The following NALF1 variants were observed in gnomAD, a reference collection of about 807,000 sequenced individuals.
The protein encoded by NALF1 is family with sequence similarity 155 member A.
A neutral mutation model predicts 48.4 loss-of-function variants in NALF1; 3 were observed. The observed-to-expected ratio is 0.06, with a 90% CI of 0.03 to 0.16. The LOEUF (loss-of-function observed/expected upper bound fraction) is 0.16, where lower values mean the gene tolerates loss of function less well. NALF1 is among the 10% of genes least tolerant of loss of function. The pLI is 1.00. For synonymous variants in NALF1, 262 were observed against 245.7 expected (o/e 1.07, Z -0.62); for missense variants, 526 against 571.5 (o/e 0.92, Z 0.81).
chr13:107,646,085 C>T (rs1594181337), intron 1 of NALF1, among the ~76,000 whole-genome samples: 1 of 152,180 alleles, frequency 6.6e-6, no homozygotes, highest in Non-Finnish European at 1.5e-5. Context: ...GGTAACAGCC[C>T]TTCTAGCACT....
chr13:107,420,333 G>A (rs953243362), intron 1 of NALF1, among the ~76,000 whole-genome samples: 5 of 152,090 alleles, frequency 3.3e-5, no homozygotes. Flanking sequence ...CATTGCTAAC[G>A]TGATATTATA....
intron 1 of NALF1, among the ~76,000 whole-genome samples, chr13:107,444,195 T>C (rs1367511568): frequency 6.6e-6 from 1 of 152,216 alleles, no homozygotes; most frequent in African/African-American, 2.4e-5. Context: ...TTACTTTAAC[T>C]GGGCACTTTT....
At position 107,184,209 on chromosome 13, in the gene NALF1, C is replaced by T. The variant is rs76661713; in HGVS notation, c.1088-13423G>A. On this transcript the variant is annotated intron_variant, in intron 2 of 2. Transcript: ENST00000375915. ...AAAAAAAAAAGAGAAATCTGACATC[C>T]GTGTTTTTCTTCTCAGACAAATATA... Among the ~76,000 whole-genome samples, 103 of 152,012 alleles carry T rather than the reference C, an allele frequency of 6.8e-4. 2 individuals carry two copies. The highest frequency in any genetic ancestry group is 2.4e-3 in the African/African-American group (99 of 41,508).
At chr13:107,704,004 C>A (rs1434098205) in intron 1 of NALF1, among the ~76,000 whole-genome samples, 1 of 152,112 alleles carries the variant, frequency 6.6e-6, no homozygotes, top group African/African-American at 2.4e-5. Context: ...TATAGAATGC[C>A]AGGAAACATG....
intron 1 of NALF1, among the ~76,000 whole-genome samples, chr13:107,617,059 T>C (rs1258625760): frequency 6.6e-6 from 1 of 152,230 alleles, no homozygotes; most frequent in Non-Finnish European, 1.5e-5. Flanking sequence ...TAGATGCACA[T>C]TTAAGCTAAC....
At chr13:107,320,062 T>G (rs1882224549) in intron 1 of NALF1, among the ~76,000 whole-genome samples, 1 of 152,124 alleles carries the variant, frequency 6.6e-6, no homozygotes, top group African/African-American at 2.4e-5. Flanking sequence ...AAAACCATGG[T>G]ATATTGAGAT....
chr13:107,670,143 G>T (rs1880955789), intron 1 of NALF1, among the ~76,000 whole-genome samples: 1 of 152,106 alleles, frequency 6.6e-6, no homozygotes, highest in Non-Finnish European at 1.5e-5. Context: ...TGTCTCCAGA[G>T]AATTTGCTGG....
intron 1 of NALF1, among the ~76,000 whole-genome samples, chr13:107,400,360 A>G (rs143730384): frequency 1.2e-3 from 182 of 152,260 alleles, no homozygotes; most frequent in Middle Eastern, 3.4e-3. Context: ...ATAAATATCA[A>G]CAAGGAGGAG....
intron 1 of NALF1, among the ~76,000 whole-genome samples, chr13:107,496,410 T>A (rs1313225745): frequency 6.6e-6 from 1 of 152,110 alleles, no homozygotes; most frequent in Non-Finnish European, 1.5e-5. Context: ...GTAAACGAAA[T>A]CATCAGGATC....
chr13:107,222,261 T>C (rs932348564), intron 1 of NALF1, among the ~76,000 whole-genome samples: 2 of 152,210 alleles, frequency 1.3e-5, no homozygotes, highest in African/African-American at 4.8e-5. Flanking sequence ...TGGCTTACTA[T>C]TCCCCATAGA....
Position 107,362,102 on chromosome 13 carries a change from C to G in NALF1, c.916-151347G>C, listed in dbSNP as rs549441796. Among the ~76,000 whole-genome samples, 1 of 152,228 alleles carries G rather than the reference C, an allele frequency of 6.6e-6. No individual in the cohort carries two copies. The highest frequency in any genetic ancestry group is 2.1e-4 in the South Asian group (1 of 4,826). The stretch of plus-strand genomic sequence containing the variant: ...TAGGTAGAGATGGGGGAATTCAACT[C>G]TTATTTTCTTAAGCTACTGAAATTT... On this transcript the variant is annotated intron_variant, in intron 1 of 2. Coordinates refer to ENST00000375915, the MANE Select transcript of NALF1 (RefSeq NM_001080396.3). The surrounding 1 kb of genome is among the most constrained non-coding windows in gnomAD (Gnocchi z 4.6).
At chr13:107,814,342 C>T (rs1436010405) in intron 1 of NALF1, among the ~76,000 whole-genome samples, 1 of 152,112 alleles carries the variant, frequency 6.6e-6, no homozygotes, top group Non-Finnish European at 1.5e-5. Flanking sequence ...GGCTGTAGAC[C>T]CTTCCTTTTA....
At chr13:107,728,117 T>C (rs1594231346) in intron 1 of NALF1, among the ~76,000 whole-genome samples, 1 of 152,172 alleles carries the variant, frequency 6.6e-6, no homozygotes, top group Non-Finnish European at 1.5e-5. Context: ...CATTGTGGAA[T>C]ACAGTGTGGC....
At chr13:107,272,359 C>T (rs1437498994) in intron 1 of NALF1, among the ~76,000 whole-genome samples, 1 of 61,388 alleles carries the variant, frequency 1.6e-5, no homozygotes, top group Non-Finnish European at 3.9e-5. Context: ...GGACTACAGG[C>T]GCCCGCCACC....
intron 1 of NALF1, among the ~76,000 whole-genome samples, chr13:107,544,597 C>G (rs1877085774): frequency 6.6e-6 from 1 of 152,174 alleles, no homozygotes; most frequent in South Asian, 2.1e-4. Flanking sequence ...CCTGATTTAA[C>G]TGGCCAAAAT....
chr13:107,729,453 A>T (rs1354607080), intron 1 of NALF1, among the ~76,000 whole-genome samples: 3 of 151,976 alleles, frequency 2.0e-5, no homozygotes, highest in Admixed American at 1.3e-4. Context: ...GTAATGTATA[A>T]AGTTGCTATT....
chr13:107,457,684 CA>C (rs34233282), intron 1 of NALF1, among the ~76,000 whole-genome samples: 30,955 of 152,072 alleles, frequency 0.2, 3,635 homozygotes, highest in African/African-American at 0.32. Flanking sequence ...CAATTGAAGA[CA>C]AACACATGGA....
At chr13:107,686,185 G>A (rs1033580764) in intron 1 of NALF1, among the ~76,000 whole-genome samples, 1 of 152,126 alleles carries the variant, frequency 6.6e-6, no homozygotes, top group Non-Finnish European at 1.5e-5. Context: ...TTCTCCTGTA[G>A]TATGGTAGAA....
chr13:107,389,489 G>A (rs2138981553), intron 1 of NALF1, among the ~76,000 whole-genome samples: 1 of 152,262 alleles, frequency 6.6e-6, no homozygotes, highest in Admixed American at 6.5e-5. Context: ...GAGAGGGGCT[G>A]GGAAGCTCTC....
Sources: allele counts gnomAD v4.1 joint callset (sites outside exome capture counted in the v4.1 genomes callset), GRCh38; gene constraint gnomAD v4.1.1; non-coding constraint Gnocchi (gnomAD v3.1); transcripts MANE v1.5; gene names NCBI Gene and HGNC (gene_info 2026-07-23, HGNC 2026-07-21).